RTN4R: variants seen among roughly 807,000 people sequenced by gnomAD.
RTN4R encodes the protein reticulon-4 receptor.
RTN4R carries 4 observed loss-of-function variants against 27.7 expected under a neutral mutation model. The ratio of observed to expected loss-of-function variants is 0.14; its 90% CI spans 0.07 to 0.33. RTN4R has a LOEUF of 0.33. Ranked by LOEUF, RTN4R falls within the 10% of genes least tolerant of loss-of-function variation. The probability of loss-of-function intolerance (pLI) is 1.00; values close to 1 mark genes in which losing one functional copy is unlikely to be tolerated. For synonymous variants in RTN4R, 290 were observed against 305.6 expected, an observed-to-expected ratio of 0.95 and a Z score of 0.53; for missense variants, 554 against 671.5, an observed-to-expected ratio of 0.83 and a Z score of 1.93.
At chr22:20,250,201 C>T (rs1028424403) in intron 1 of RTN4R, among the ~76,000 whole-genome samples, 3 of 152,254 alleles carry the variant, frequency 2.0e-5, no homozygotes, top group South Asian at 2.1e-4. Context: ...TTGTCAGAGC[C>T]GACAGGCCTT....
chr22:20,257,870 C>T lies in RTN4R; in HGVS notation c.22+10201G>A, dbSNP rs574013460. ...CCCACACCCCAGGGTCCCTGCCCAA[C>T]GTGATCGGCCCTGCAGGGCAGTCCT... On this transcript the variant is annotated intron_variant, in intron 1 of 1. Transcript: ENST00000043402. Among the ~76,000 whole-genome samples, 239 of 152,236 alleles carry T rather than the reference C, an allele frequency of 1.6e-3. 3 individuals carry two copies. The highest frequency in any genetic ancestry group is 0.012 in the Admixed American group (188 of 15,300).
At chr22:20,246,262 C>T (rs1352369507) in intron 1 of RTN4R, among the ~76,000 whole-genome samples, 2 of 152,174 alleles carry the variant, frequency 1.3e-5, no homozygotes, top group Non-Finnish European at 1.5e-5. Flanking sequence ...CCTCTCCCTG[C>T]GGCAGCCAGA....
chr22:20,252,474 G>A (rs779129847), intron 1 of RTN4R, among the ~76,000 whole-genome samples: 20 of 152,184 alleles, frequency 1.3e-4, no homozygotes, highest in African/African-American at 4.3e-4. Context: ...CCCATTGTAC[G>A]GTGAGGGGGT....
At position 20,241,918 on chromosome 22, in the gene RTN4R, T is replaced by G. The variant is rs2051108960; in HGVS notation, c.1215A>C (p.Pro405=). 1.2e-6 allele frequency: 2 copies of G among 1,605,670 alleles called. No homozygotes were observed. The highest frequency in any genetic ancestry group is 3.3e-5 in the Admixed American group (2 of 59,862). ...LTAVRPEGSE[P]PGFPTSGPRR... ...GAGGGCCCGAGGTGGGGAACCCTGG[T>G]GGCTCGGAGCCCTCGGGCCGCACTG... Residue 405 remains proline (P), a synonymous_variant, in exon 2 of 2, where the codon CCA becomes CCC. Coordinates refer to ENST00000043402, the MANE Select transcript of RTN4R (RefSeq NM_023004.6).
At chr22:20,252,718 T>A (rs2145979040) in intron 1 of RTN4R, among the ~76,000 whole-genome samples, 1 of 152,198 alleles carries the variant, frequency 6.6e-6, no homozygotes, top group Admixed American at 6.5e-5. Context: ...CAGTCCCCCA[T>A]GGCACCTCAA....
At chr22:20,263,608 C>T (rs2871062) in intron 1 of RTN4R, among the ~76,000 whole-genome samples, 3 of 152,364 alleles carry the variant, frequency 2.0e-5, no homozygotes, top group Non-Finnish European at 2.9e-5. Flanking sequence ...GGTCAGCACC[C>T]GACACCTCAC....
At chr22:20,252,853 C>T (rs1212888507) in intron 1 of RTN4R, among the ~76,000 whole-genome samples, 1 of 152,122 alleles carries the variant, frequency 6.6e-6, no homozygotes, top group Non-Finnish European at 1.5e-5. Flanking sequence ...CCAGCCCCCT[C>T]CAAATCTGTC....
rs145292678 is a variant in RTN4R at position 20,242,976 on chromosome 22, C to T, written c.157G>A (p.Val53Met). 4.2e-5 allele frequency: 67 copies of T among 1,611,556 alleles called. No homozygotes were observed. Among genetic ancestry groups the T allele is most frequent in the African/African-American group, 2.3e-4 (17 of 75,056 alleles). ...CPQQGLQAVPVGIPAASQRIF... is the reference protein window; with the variant it reads ...CPQQGLQAVPMGIPAASQRIF... The stretch of plus-strand genomic sequence containing the variant: ...CGCTGGCTGGCAGCAGGGATGCCCA[C>T]GGGCACAGCCTGCAGGCCCTGCTGG... The change falls in exon 2 of 2, where the codon GTG becomes ATG. Residue 53 changes from valine to methionine, a missense_variant. Around this residue, in one of 2 missense-constraint regions of RTN4R, gnomAD observed 413 missense variants for 542.3 expected, o/e 0.76. Coordinates refer to ENST00000043402, the MANE Select transcript of RTN4R (RefSeq NM_023004.6).
In RTN4R at chr22:20,262,445, C is replaced by G. The variant is rs374941463; in HGVS notation, c.22+5626G>C. Among the ~76,000 whole-genome samples, 4 of 152,270 alleles carry G rather than the reference C, an allele frequency of 2.6e-5. No homozygotes were observed. In the South Asian group the frequency reaches 6.2e-4, roughly 24 times the overall value. On this transcript the variant is annotated intron_variant, in intron 1 of 1. Coordinates refer to ENST00000043402, the MANE Select transcript of RTN4R (RefSeq NM_023004.6). Reference sequence around the variant, plus strand: ...TGGAATGACATCTGGCATGTGGCAGCGGAGGGGGGACATGTAACTGGGGAC... The same window carrying G: ...TGGAATGACATCTGGCATGTGGCAGGGGAGGGGGGACATGTAACTGGGGAC...
chr22:20,259,435 G>A (rs564525131), intron 1 of RTN4R, among the ~76,000 whole-genome samples: 1 of 152,198 alleles, frequency 6.6e-6, no homozygotes, highest in South Asian at 2.1e-4. Context: ...ACAGCCTGGA[G>A]GCAGCCGGGT....
chr22:20,242,821 C>A lies in RTN4R; in HGVS notation c.312G>T (p.Leu104=). 2 of 1,613,050 alleles carry A rather than the reference C, an allele frequency of 1.2e-6. No individual in the cohort carries two copies. Among genetic ancestry groups the A allele is most frequent in the Non-Finnish European group, 1.7e-6 (2 of 1,179,950 alleles). ...TGAGGTCCAGCTGCTCCAGGAGGGC[C>A]AGGCCAGTGAAGGCAGCCGCATCAA... ...ARIDAAAFTG[L]ALLEQLDLSD... Residue 104 remains leucine (L), a synonymous_variant, in exon 2 of 2, where the codon CTG becomes CTT. Transcript: ENST00000043402.
chr22:20,267,524 C>T (rs1390581804), intron 1 of RTN4R: 2 of 436,346 alleles, frequency 4.6e-6, no homozygotes, highest in South Asian at 1.6e-5. Context: ...TCTCACCGCC[C>T]GCCCTGGAGG....
chr22:20,253,217 G>A (rs976707421), intron 1 of RTN4R, among the ~76,000 whole-genome samples: 58 of 152,200 alleles, frequency 3.8e-4, no homozygotes, highest in Non-Finnish European at 7.8e-4. Flanking sequence ...CCACTTCCTC[G>A]CTGCTTCTGC....
intron 1 of RTN4R, among the ~76,000 whole-genome samples, chr22:20,261,881 T>G (rs751303793): frequency 6.6e-6 from 1 of 152,194 alleles, no homozygotes; most frequent in Non-Finnish European, 1.5e-5. Flanking sequence ...GGTTCCTACA[T>G]GAGACCCTCT....
rs754841702 is a variant in RTN4R, at chr22:20,255,325, G to C, written c.23-12215C>G. ...AGAAGGTGGAGACAAATGTAGGTTA[G>C]AAGCAGGTGTCTCCAAGGTGCAGGA... On this transcript the variant is annotated intron_variant, in intron 1 of 1. Transcript: ENST00000043402. The surrounding 1 kb of genome is among the most constrained non-coding windows in gnomAD (Gnocchi z 4.8). Among the ~76,000 whole-genome samples the C allele has an allele frequency of 7.2e-5, 11 of 152,218 alleles. No homozygotes were observed. Among genetic ancestry groups the C allele is most frequent in the Non-Finnish European group, 1.5e-4 (10 of 68,028 alleles).
chr22:20,262,275 A>G (rs2051252291), intron 1 of RTN4R, among the ~76,000 whole-genome samples: 1 of 152,062 alleles, frequency 6.6e-6, no homozygotes, highest in Admixed American at 6.5e-5. Context: ...CTGTGTGTGC[A>G]GGAGAGATGC....
rs1205441574 is a variant in RTN4R at position 20,268,254 on chromosome 22, G to C, written c.-162C>G. On this transcript the variant is annotated 5_prime_UTR_variant, in exon 1 of 2. Transcript: ENST00000043402. ...GCTCCGCTCCGCCCGGCTCTGGCTG[G>C]GCTCGGGCCGCGGGTGCGCAGGGCG... 2 of 170,918 alleles carry C rather than the reference G, an allele frequency of 1.2e-5. No homozygotes were observed. The highest frequency in any genetic ancestry group is 2.3e-5 in the Non-Finnish European group (2 of 87,298). The allele number at this position is 170,918 out of a possible 1,614,324, so 10.6% of individuals were successfully genotyped here. A position where few individuals can be genotyped will look rare whatever the true frequency, so the allele number is the denominator to read the frequency against.
chr22:20,243,468 CAG>C, intron 1 of RTN4R: 1 of 544,536 alleles, frequency 1.8e-6, no homozygotes, highest in South Asian at 1.5e-5. Context: ...CCAGTGAACA[CAG>C]AGCCCGCATT....
intron 1 of RTN4R, among the ~76,000 whole-genome samples, chr22:20,247,109 G>A (rs1040369536): frequency 3.9e-5 from 6 of 152,160 alleles, no homozygotes; most frequent in African/African-American, 1.4e-4. Context: ...CAGAGGGGCA[G>A]GCAGCGCCCT....
Sources: allele counts gnomAD v4.1 joint callset (sites outside exome capture counted in the v4.1 genomes callset), GRCh38; gene constraint gnomAD v4.1.1; regional missense constraint gnomAD v4.1.1; non-coding constraint Gnocchi (gnomAD v3.1); transcripts MANE v1.5; gene names NCBI Gene and HGNC (gene_info 2026-07-23, HGNC 2026-07-21).